TENM2: variants seen among roughly 807,000 people sequenced by gnomAD.
The protein encoded by TENM2 is teneurin transmembrane protein 2, also known as teneurin-2.
TENM2 carries 52 observed loss-of-function variants against 245.2 expected under a neutral mutation model. The observed-to-expected ratio is 0.21, with a 90% CI of 0.17 to 0.27. The LOEUF (loss-of-function observed/expected upper bound fraction) is 0.27, where lower values mean the gene tolerates loss of function less well. Ranked by LOEUF, TENM2 falls within the 10% of genes least tolerant of loss-of-function variation. The pLI, the probability that TENM2 is intolerant of heterozygous loss-of-function variation, is 1.00. For missense variants in TENM2, 3,046 were observed against 3,666.8 expected, an observed-to-expected ratio of 0.83 and a Z score of 4.37; for synonymous variants, 1,363 against 1,438.9, an observed-to-expected ratio of 0.95 and a Z score of 1.19.
intron 1 of TENM2, among the ~76,000 whole-genome samples, chr5:167,302,074 C>T (rs910969622): frequency 6.6e-6 from 1 of 151,920 alleles, no homozygotes; most frequent in Non-Finnish European, 1.5e-5. Context: ...AGATTTGGGA[C>T]AAGTTGCATT....
At chr5:167,205,295 C>A in the TENM2 span, among the ~76,000 whole-genome samples, 1 of 152,116 alleles carries the variant, frequency 6.6e-6, no homozygotes, top group African/African-American at 2.4e-5. Context: ...GCACGAGAAT[C>A]GCTTGGACCT....
the TENM2 span, among the ~76,000 whole-genome samples, chr5:166,989,019 TATG>T: frequency 6.6e-6 from 1 of 152,122 alleles, no homozygotes; most frequent in Non-Finnish European, 1.5e-5. Flanking sequence ...GCAAGATAAA[TATG>T]ATGAGATTCC....
Position 167,863,888 on chromosome 5 carries a change from G to A in TENM2, c.503-12098G>A, listed in dbSNP as rs190146402. On this transcript the variant is annotated intron_variant, in intron 2 of 28. Coordinates refer to ENST00000518659, the Ensembl canonical transcript of TENM2. The stretch of plus-strand genomic sequence containing the variant: ...GATGTTCGAACAATTGTTCAGGGAG[G>A]GTATAAATCAATGCATATGTTATCC... Among the ~76,000 whole-genome samples the A allele has an allele frequency of 5.2e-3, 795 of 152,130 alleles. 4 individuals are homozygous for A. The highest frequency in any genetic ancestry group is 0.023 in the South Asian group (112 of 4,802).
intron 2 of TENM2, among the ~76,000 whole-genome samples, chr5:167,593,787 T>G (rs1215394691): frequency 1.3e-5 from 2 of 152,234 alleles, no homozygotes; most frequent in African/African-American, 4.8e-5. Flanking sequence ...CTTCCTGGTG[T>G]CGGAGATAAA....
chr5:168,127,931 C>T (rs1055525907), intron 12 of TENM2, among the ~76,000 whole-genome samples: 1 of 152,210 alleles, frequency 6.6e-6, no homozygotes, highest in Non-Finnish European at 1.5e-5. Context: ...GAGACCCTCC[C>T]CTCTGTCCCT....
At chr5:168,111,128 T>C (rs1275987143) in intron 9 of TENM2, among the ~76,000 whole-genome samples, 1 of 152,262 alleles carries the variant, frequency 6.6e-6, no homozygotes, top group Non-Finnish European at 1.5e-5. Context: ...CATACTTTCG[T>C]GCTTAAGTCA....
At chr5:168,228,459 C>T (rs1028413087) in intron 25 of TENM2, among the ~76,000 whole-genome samples, 12 of 152,218 alleles carry the variant, frequency 7.9e-5, no homozygotes, top group African/African-American at 2.7e-4. Context: ...CAGCTTTGGT[C>T]TTCTTTTCAC....
rs189130341 is a variant in TENM2, at chr5:167,671,766, A to G, written c.503-204220A>G. ...ATATATTTATAGCTACAGATTATAT[A>G]TATATATTATATATTTATATATCTC... On this transcript the variant is annotated intron_variant, in intron 2 of 28. Transcript: ENST00000518659. 1.3e-3 allele frequency among the ~76,000 whole-genome samples: 199 copies of G among 149,556 alleles called. 3 individuals carry two copies. Among genetic ancestry groups the G allele is most frequent in the African/African-American group, 4.8e-3 (195 of 41,036 alleles).
At position 167,564,894 on chromosome 5, in the gene TENM2, ATGGCCAATCCCAGAGTC is replaced by A. The variant is rs1027938635; in HGVS notation, c.502+189439_502+189455del. 2.6e-5 allele frequency among the ~76,000 whole-genome samples: 4 copies of A among 152,358 alleles called. 1 individual carries two copies. Among genetic ancestry groups the A allele is most frequent in the Admixed American group, 2.0e-4 (3 of 15,310 alleles). ...AATGGCCTATTGGCCAAAGCAAGTC[ATGGCCAATCCCAGAGTC>A]TGGCCAATCCCAGAGTCAGTATGAG... is the stretch of plus-strand genomic sequence containing the variant. On this transcript the variant is annotated intron_variant, in intron 2 of 28. Transcript: ENST00000518659.
intron 1 of TENM2, among the ~76,000 whole-genome samples, chr5:167,338,698 G>T (rs1768535324): frequency 6.6e-6 from 1 of 152,150 alleles, no homozygotes; most frequent in Admixed American, 6.5e-5. Flanking sequence ...AGTTAGCATG[G>T]TCTTTTGTCA....
At chr5:167,034,092 C>G in the TENM2 span, among the ~76,000 whole-genome samples, 7 of 152,182 alleles carry the variant, frequency 4.6e-5, no homozygotes, top group African/African-American at 7.2e-5. Flanking sequence ...ATAAATGTAC[C>G]TTAATTTTTC....
At chr5:168,112,671 G>A (rs1794776408) in intron 9 of TENM2, among the ~76,000 whole-genome samples, 1 of 150,696 alleles carries the variant, frequency 6.6e-6, no homozygotes, top group South Asian at 2.1e-4. Context: ...GATCTTGCTA[G>A]AAGGGAAACT....
At chr5:167,906,423 C>T (rs896098928) in intron 3 of TENM2, among the ~76,000 whole-genome samples, 1 of 152,190 alleles carries the variant, frequency 6.6e-6, no homozygotes, top group African/African-American at 2.4e-5. Context: ...TTAGCCCGTG[C>T]ACCTGTTTGC....
Position 168,218,988 on chromosome 5 carries a change from G to C in TENM2, c.5097G>C (p.Thr1699=). ...CCAAGAGCGATGAAACAGGATGGAC[G>C]ACTTTCTATGAGTAAGTGGGTTTGT... is the stretch of plus-strand genomic sequence containing the variant. Residue 1699 remains threonine (T), a synonymous_variant, in exon 23 of 29, where the codon ACG becomes ACC. Coordinates refer to ENST00000518659, the Ensembl canonical transcript of TENM2. This position sits in a 1 kb window ranked among gnomAD's most constrained non-coding sequence, Gnocchi z 5.2. 3 of 1,612,850 alleles carry C rather than the reference G, an allele frequency of 1.9e-6. No homozygotes were observed. Among genetic ancestry groups the C allele is most frequent in the South Asian group, 2.2e-5 (2 of 90,998 alleles).
chr5:167,101,578 A>G, the TENM2 span, among the ~76,000 whole-genome samples: 4 of 151,800 alleles, frequency 2.6e-5, no homozygotes, highest in Non-Finnish European at 4.4e-5. Context: ...ACTCATGTGT[A>G]ACCAATAGAA....
intron 8 of TENM2, among the ~76,000 whole-genome samples, chr5:168,094,952 T>A (rs1367241628): frequency 6.6e-6 from 1 of 151,698 alleles, no homozygotes. Context: ...ATGCGAGGGA[T>A]CTAGGTTGTA....
the TENM2 span, among the ~76,000 whole-genome samples, chr5:167,103,950 C>A: frequency 6.6e-6 from 1 of 152,048 alleles, no homozygotes; most frequent in African/African-American, 2.4e-5. Flanking sequence ...ACATTTCCCC[C>A]ACCCTGGAAT....
chr5:167,841,417 G>GA (rs1030471743), intron 2 of TENM2, among the ~76,000 whole-genome samples: 3 of 152,058 alleles, frequency 2.0e-5, no homozygotes, highest in African/African-American at 7.2e-5. Flanking sequence ...ATAAATGGTG[G>GA]AAAAAACACC....
At chr5:167,440,765 T>C (rs987653037) in intron 2 of TENM2, among the ~76,000 whole-genome samples, 2 of 152,166 alleles carry the variant, frequency 1.3e-5, no homozygotes, top group Non-Finnish European at 2.9e-5. Context: ...GGTCTCTTTC[T>C]CTTTCTTTTC....
Sources: allele counts gnomAD v4.1 joint callset (sites outside exome capture counted in the v4.1 genomes callset), GRCh38; gene constraint gnomAD v4.1.1; non-coding constraint Gnocchi (gnomAD v3.1); transcripts MANE v1.5; gene names NCBI Gene and HGNC (gene_info 2026-07-23, HGNC 2026-07-21).